Variants in SDK2 observed in about 807,000 individuals in gnomAD.
The protein encoded by SDK2 is sidekick cell adhesion molecule 2.
A neutral mutation model predicts 253.9 loss-of-function variants in SDK2; 105 were observed. The observed-to-expected ratio is 0.41, with a 90% CI of 0.35 to 0.49. The LOEUF (loss-of-function observed/expected upper bound fraction) is 0.49. Among genes scored for constraint, SDK2 ranks in the 20% least tolerant of loss-of-function variants. The pLI is 0.06. For missense variants in SDK2, 2,608 were observed against 3,003.0 expected (o/e 0.87, Z 3.07); for synonymous variants, 1,249 against 1,234.9 (o/e 1.01, Z -0.24).
At chr17:73,390,541 G>A (rs940462979) in intron 28 of SDK2, 60 bp from the exon 29 acceptor site, 20 of 1,508,892 alleles carry the variant, frequency 1.3e-5, no homozygotes, top group Non-Finnish European at 1.6e-5. Context: ...CTAGGGCCCC[G>A]GGAAGGGTTG....
At chr17:73,375,800 G>A (rs2062773570) in intron 36 of SDK2, among the ~76,000 whole-genome samples, 1 of 151,374 alleles carries the variant, frequency 6.6e-6, no homozygotes, top group Non-Finnish European at 1.5e-5. Context: ...AGGTTGCAGT[G>A]AGCCAAGATC....
At chr17:73,587,184 T>TCCAGGCTCTAGAGCCTGAGGTCC (rs1162091390) in intron 1 of SDK2, among the ~76,000 whole-genome samples, 1 of 152,112 alleles carries the variant, frequency 6.6e-6, no homozygotes, top group Non-Finnish European at 1.5e-5. Flanking sequence ...GAATTCCATC[T>TCCAGGCTCTAGAGCCTGAGGTCC]CCAGGCTCTA....
At chr17:73,365,519 C>T (rs1429134535) in intron 37 of SDK2, 124 bp from the exon 38 acceptor site, 31 of 989,610 alleles carry the variant, frequency 3.1e-5, no homozygotes, top group African/African-American at 2.0e-4. Flanking sequence ...GCGTGGGGCT[C>T]GGCAGAAAGG....
At chr17:73,392,363 G>A (rs1167422560) in intron 27 of SDK2, among the ~76,000 whole-genome samples, 4 of 151,930 alleles carry the variant, frequency 2.6e-5, no homozygotes, top group African/African-American at 9.7e-5. Context: ...TCCGCCTCCC[G>A]GGTTCAAGCG....
At chr17:73,596,449 T>C (rs1047435459) in intron 1 of SDK2, among the ~76,000 whole-genome samples, 1 of 152,172 alleles carries the variant, frequency 6.6e-6, no homozygotes, top group Non-Finnish European at 1.5e-5. Flanking sequence ...AATGGGTTTG[T>C]GTGAATGTAC....
chr17:73,491,374 C>CTTTT (rs536017346), intron 2 of SDK2, among the ~76,000 whole-genome samples: 4 of 133,970 alleles, frequency 3.0e-5, no homozygotes, highest in South Asian at 2.4e-4. Flanking sequence ...TGTTTTTTGG[C>CTTTT]TTTTTTTTTT....
At chr17:73,490,736 T>G (rs1458229120) in intron 2 of SDK2, among the ~76,000 whole-genome samples, 1 of 151,698 alleles carries the variant, frequency 6.6e-6, no homozygotes, top group East Asian at 1.9e-4. Context: ...ATGTTGTCCA[T>G]GCTGGTCTCG....
At chr17:73,461,415 G>A (rs2063561728) in intron 3 of SDK2, among the ~76,000 whole-genome samples, 1 of 152,242 alleles carries the variant, frequency 6.6e-6, no homozygotes, top group South Asian at 2.1e-4. Context: ...AGGAGGGAAT[G>A]AGGTTCTTCA....
intron 18 of SDK2, among the ~76,000 whole-genome samples, chr17:73,413,292 C>T (rs2063154765): frequency 6.6e-6 from 1 of 151,780 alleles, no homozygotes; most frequent in Non-Finnish European, 1.5e-5. Flanking sequence ...GTCACTGTCT[C>T]CCATCACCCC....
At chr17:73,425,408 G>T (rs1312517660) in intron 12 of SDK2, among the ~76,000 whole-genome samples, 1 of 152,226 alleles carries the variant, frequency 6.6e-6, no homozygotes, top group African/African-American at 2.4e-5. Context: ...GCCCGGATAG[G>T]CAGTGCACTG....
At chr17:73,565,965 G>A (rs528414054) in intron 1 of SDK2, among the ~76,000 whole-genome samples, 4 of 152,146 alleles carry the variant, frequency 2.6e-5, no homozygotes, top group East Asian at 3.9e-4. Context: ...CTGGGACTAC[G>A]GGCGCATGCC....
chr17:73,616,497 CTTTG>C lies in SDK2; in HGVS notation c.64+27524_64+27527del, dbSNP rs1251167760. Among the ~76,000 whole-genome samples, 5 of 152,152 alleles carry C rather than the reference CTTTG, an allele frequency of 3.3e-5. No homozygotes were observed. The highest frequency in any genetic ancestry group is 2.6e-4 in the Admixed American group (4 of 15,290). On this transcript the variant is annotated intron_variant, in intron 1 of 44. Transcript: ENST00000392650. This position sits in a 1 kb window ranked among gnomAD's most constrained non-coding sequence, Gnocchi z 5.2. ...TGCTTAGGCCTGAGCACGCATTTGT[CTTTG>C]TTTGGTTTGTTGCTTTGGTTTGTTT...
Position 73,422,487 on chromosome 17 carries a change from T to A in SDK2, c.1898-53A>T, listed in dbSNP as rs980417839. 9 of 1,580,888 alleles carry A rather than the reference T, an allele frequency of 5.7e-6. No homozygotes were observed. The African/African-American group carries it at 1.2e-4, about 21-fold the overall frequency. The stretch of plus-strand genomic sequence containing the variant: ...TGGGTATCTTGGGTGGGATGAAGCA[T>A]GCTTCTTACTCCCCACTCCCAGCAG... On this transcript the variant is annotated intron_variant, in intron 14 of 44. Coordinates refer to ENST00000392650, the MANE Select transcript of SDK2 (RefSeq NM_001144952.2).
At chr17:73,516,105 G>A (rs1443834943) in intron 1 of SDK2, among the ~76,000 whole-genome samples, 1 of 152,208 alleles carries the variant, frequency 6.6e-6, no homozygotes, top group Non-Finnish European at 1.5e-5. Flanking sequence ...TTACGTCTGA[G>A]GCTTCCAAAT....
At position 73,627,940 on chromosome 17, in the gene SDK2, T is replaced by C. The variant is rs573326387; in HGVS notation, c.64+16085A>G. ...GGTGGTGGGCGCCTGTAGTCCCAGCTACTCGGGAGGCTGAGGCAGGAGAAT... is the reference window on the plus strand; with the variant it reads ...GGTGGTGGGCGCCTGTAGTCCCAGCCACTCGGGAGGCTGAGGCAGGAGAAT... On this transcript the variant is annotated intron_variant, in intron 1 of 44. Transcript: ENST00000392650. Among the ~76,000 whole-genome samples, 5 of 152,140 alleles carry C rather than the reference T, an allele frequency of 3.3e-5. No individual in the cohort carries two copies. The East Asian group carries it at 9.7e-4, about 30-fold the overall frequency.
At chr17:73,589,092 A>G (rs113576713) in intron 1 of SDK2, among the ~76,000 whole-genome samples, 3 of 152,272 alleles carry the variant, frequency 2.0e-5, no homozygotes, top group African/African-American at 7.2e-5. Context: ...TGTTCGAGCA[A>G]GAAAGACAAA....
chr17:73,354,778 C>A (rs1263954785), intron 40 of SDK2, among the ~76,000 whole-genome samples: 2 of 152,116 alleles, frequency 1.3e-5, no homozygotes, highest in Non-Finnish European at 1.5e-5. Flanking sequence ...ACATGCAGGG[C>A]CCGTTCTTCT....
At chr17:73,469,981 TGC>T (rs10622822) in intron 3 of SDK2, among the ~76,000 whole-genome samples, 9,212 of 129,128 alleles carry the variant, frequency 0.071, 380 homozygotes, top group Middle Eastern at 0.098. Flanking sequence ...CATTTGCGAC[TGC>T]GCGCGCGCGC....
intron 1 of SDK2, among the ~76,000 whole-genome samples, chr17:73,571,903 G>A (rs1017805320): frequency 4.6e-5 from 7 of 152,272 alleles, no homozygotes; most frequent in African/African-American, 1.7e-4. Context: ...AACACATGCC[G>A]GGCTTTCCAT....
Sources: allele counts gnomAD v4.1 joint callset (sites outside exome capture counted in the v4.1 genomes callset), GRCh38; gene constraint gnomAD v4.1.1; non-coding constraint Gnocchi (gnomAD v3.1); transcripts MANE v1.5; gene names NCBI Gene and HGNC (gene_info 2026-07-23, HGNC 2026-07-21).